Variants in LARGE1 observed in about 807,000 individuals in gnomAD.
LARGE1 encodes the protein LARGE xylosyl- and glucuronyltransferase 1, also known as xylosyl- and glucuronyltransferase LARGE1.
LARGE1 carries 43 observed loss-of-function variants against 87.6 expected under a neutral mutation model. The ratio of observed to expected loss-of-function variants is 0.49; its 90% confidence interval spans 0.38 to 0.63. The LOEUF (loss-of-function observed/expected upper bound fraction) is 0.63. Ranked by LOEUF, LARGE1 falls within the 30% of genes least tolerant of loss-of-function variation. LARGE1 has a pLI of 0.00. For missense variants in LARGE1, 802 were observed against 1,000.2 expected, an observed-to-expected ratio of 0.80 and a Z score of 2.67; for synonymous variants, 434 against 394.6, an observed-to-expected ratio of 1.10 and a Z score of -1.18.
At chr22:33,785,816 T>TA (rs35227683) in intron 1 of LARGE1, among the ~76,000 whole-genome samples, 7 of 151,648 alleles carry the variant, frequency 4.6e-5, no homozygotes, top group Non-Finnish European at 8.8e-5. Context: ...CAAAGCCACT[T>TA]AAAAAAAAAT....
intron 11 of LARGE1, among the ~76,000 whole-genome samples, chr22:33,264,810 C>A (rs903508147): frequency 4.6e-5 from 7 of 151,802 alleles, no homozygotes; most frequent in Admixed American, 1.3e-4. Flanking sequence ...TCATCTTCAG[C>A]CTGCTGAGTT....
At chr22:33,552,056 T>A (rs2077539225) in intron 6 of LARGE1, among the ~76,000 whole-genome samples, 1 of 147,448 alleles carries the variant, frequency 6.8e-6, no homozygotes, top group African/African-American at 2.5e-5. Flanking sequence ...CGGGTAATAC[T>A]AAAATGTTCC....
intron 11 of LARGE1, among the ~76,000 whole-genome samples, chr22:33,306,110 C>T (rs1246018208): frequency 6.6e-6 from 1 of 152,200 alleles, no homozygotes; most frequent in Non-Finnish European, 1.5e-5. Context: ...TCCCAAAGTG[C>T]TGGGCTTACA....
chr22:33,472,843 A>G lies in LARGE1; in HGVS notation c.788-40578T>C, dbSNP rs7284282. 5.3e-3 allele frequency among the ~76,000 whole-genome samples: 815 copies of G among 152,342 alleles called. 6 individuals are homozygous for G. Among genetic ancestry groups the G allele is most frequent in the African/African-American group, 0.018 (738 of 41,578 alleles). On this transcript the variant is annotated intron_variant, in intron 6 of 14. Coordinates refer to ENST00000397394, the MANE Select transcript of LARGE1 (RefSeq NM_133642.5). ...CCAAGAGCTGCTCGTCATTTTGTAA[A>G]GTAATGATACCAGTAGCAGTGCTGC...
At chr22:33,857,158 C>T (rs1004305100) in intron 1 of LARGE1, among the ~76,000 whole-genome samples, 1 of 152,178 alleles carries the variant, frequency 6.6e-6, no homozygotes, top group African/African-American at 2.4e-5. Context: ...CTTGAGGGAT[C>T]CGCCCTTCTC....
At chr22:33,785,938 G>A (rs2085626570) in intron 1 of LARGE1, among the ~76,000 whole-genome samples, 1 of 152,188 alleles carries the variant, frequency 6.6e-6, no homozygotes, top group Non-Finnish European at 1.5e-5. Context: ...CATAACCAGG[G>A]CAGGGTGGTA....
intron 10 of LARGE1, among the ~76,000 whole-genome samples, chr22:33,320,311 C>T (rs2146348010): frequency 6.6e-6 from 1 of 152,232 alleles, no homozygotes; most frequent in East Asian, 1.9e-4. Flanking sequence ...GGGATGCCCT[C>T]CCTCACTTCA....
At chr22:33,551,880 G>T (rs1037192681) in intron 6 of LARGE1, among the ~76,000 whole-genome samples, 42 of 151,498 alleles carry the variant, frequency 2.8e-4, no homozygotes, top group African/African-American at 9.9e-4. Context: ...TGTAGTCCCA[G>T]CTACTTGGGA....
intron 6 of LARGE1, among the ~76,000 whole-genome samples, chr22:33,549,065 A>G (rs1446723079): frequency 6.6e-6 from 1 of 152,152 alleles, no homozygotes; most frequent in African/African-American, 2.4e-5. Flanking sequence ...GGTAATTTCC[A>G]CCAGGACCTA....
At chr22:33,764,095 A>C (rs1170101912) in intron 1 of LARGE1, among the ~76,000 whole-genome samples, 1 of 151,424 alleles carries the variant, frequency 6.6e-6, no homozygotes, top group Non-Finnish European at 1.5e-5. Context: ...TGATCCACCC[A>C]CCTCGGCCTC....
chr22:33,319,604 C>T (rs982611032), intron 10 of LARGE1, among the ~76,000 whole-genome samples: 1 of 152,146 alleles, frequency 6.6e-6, no homozygotes, highest in African/African-American at 2.4e-5. Flanking sequence ...CTATGTTGGC[C>T]AGGCTGGTCT....
At chr22:33,500,658 TC>T (rs1008335436) in intron 6 of LARGE1, among the ~76,000 whole-genome samples, 3 of 152,192 alleles carry the variant, frequency 2.0e-5, no homozygotes, top group African/African-American at 7.2e-5. Context: ...ACTTAACCAC[TC>T]TAAGTCTTTG....
chr22:33,828,101 G>A (rs981633759), intron 1 of LARGE1, among the ~76,000 whole-genome samples: 5 of 152,200 alleles, frequency 3.3e-5, no homozygotes, highest in African/African-American at 4.8e-5. Context: ...CAGAAGAGAC[G>A]CAGTGTAAAG....
At chr22:33,425,010 T>C (rs1360615622) in intron 7 of LARGE1, among the ~76,000 whole-genome samples, 1 of 152,036 alleles carries the variant, frequency 6.6e-6, no homozygotes, top group African/African-American at 2.4e-5. Flanking sequence ...ACGCCTGTAA[T>C]CCCAGCACTT....
intron 11 of LARGE1, among the ~76,000 whole-genome samples, chr22:33,308,560 C>A (rs967804953): frequency 2.5e-4 from 38 of 152,188 alleles, no homozygotes; most frequent in African/African-American, 8.7e-4. Flanking sequence ...CCACATGAAT[C>A]CTGGCCACAT....
intron 6 of LARGE1, among the ~76,000 whole-genome samples, chr22:33,453,986 G>C (rs1363638546): frequency 6.6e-6 from 1 of 152,154 alleles, no homozygotes; most frequent in Non-Finnish European, 1.5e-5. Flanking sequence ...TTAGTGTCAA[G>C]TAATTATTAG....
chr22:33,806,560 C>T (rs1322338061), intron 1 of LARGE1, among the ~76,000 whole-genome samples: 1 of 152,186 alleles, frequency 6.6e-6, no homozygotes. Context: ...AATGTGACAT[C>T]TCCTCAACTA....
At chr22:33,478,799 C>T (rs977480879) in intron 6 of LARGE1, among the ~76,000 whole-genome samples, 1 of 152,024 alleles carries the variant, frequency 6.6e-6, no homozygotes, top group Non-Finnish European at 1.5e-5. Context: ...ACTGTGTTCC[C>T]GTAGCAGGGA....
chr22:33,309,842 T>A (rs1391554335), intron 11 of LARGE1, among the ~76,000 whole-genome samples: 1 of 151,730 alleles, frequency 6.6e-6, no homozygotes, highest in Non-Finnish European at 1.5e-5. Context: ...GAGATGAAGG[T>A]GTCAGGGGTT....
Sources: gnomAD v4.1 joint callset for allele counts (sites outside exome capture counted in the v4.1 genomes callset) on GRCh38, gnomAD v4.1.1 for gene constraint, MANE v1.5 for transcripts, NCBI Gene and HGNC (gene_info 2026-07-23, HGNC 2026-07-21) for gene names.